Variants in DCC observed in about 807,000 individuals in gnomAD.
DCC encodes the protein netrin receptor DCC.
DCC carries 58 observed loss-of-function variants against 172.5 expected under a neutral mutation model. That is an observed-to-expected ratio of 0.34 (90% CI 0.27 to 0.42). The LOEUF is 0.42. DCC is among the 10% of genes least tolerant of loss of function. DCC has a pLI of 1.00. For synonymous variants in DCC, 709 were observed against 644.5 expected, an observed-to-expected ratio of 1.10 and a Z score of -1.52; for missense variants, 1,740 against 1,791.0, an observed-to-expected ratio of 0.97 and a Z score of 0.51.
chr18:52,843,472 C>T (rs994004614), intron 2 of DCC, among the ~76,000 whole-genome samples: 1 of 152,002 alleles, frequency 6.6e-6, no homozygotes, highest in Non-Finnish European at 1.5e-5. Context: ...CTAGAAATGA[C>T]CATTTTTGCA....
At chr18:52,794,707 T>G (rs28892331) in intron 2 of DCC, among the ~76,000 whole-genome samples, 6,564 of 152,184 alleles carry the variant, frequency 0.043, 220 homozygotes, top group South Asian at 0.16. Context: ...TCCTTGTCTT[T>G]TAGTTGTTAA....
intron 15 of DCC, among the ~76,000 whole-genome samples, chr18:53,375,172 C>A (rs1310558593): frequency 6.6e-6 from 1 of 152,160 alleles, no homozygotes; most frequent in Non-Finnish European, 1.5e-5. Context: ...GCAGGAAGTG[C>A]TCATAAACAG....
intron 3 of DCC, among the ~76,000 whole-genome samples, chr18:52,917,497 C>T (rs1246415765): frequency 6.6e-6 from 1 of 152,150 alleles, no homozygotes; most frequent in East Asian, 1.9e-4. Flanking sequence ...GATTCACTGT[C>T]TGCATCGTTA....
At chr18:53,176,898 T>TA (rs1222149687) in intron 8 of DCC, among the ~76,000 whole-genome samples, 1 of 151,026 alleles carries the variant, frequency 6.6e-6, no homozygotes, top group Non-Finnish European at 1.5e-5. Context: ...ATTGCGGCAT[T>TA]ATTCACAATA....
chr18:53,318,401 A>G (rs1381906851), intron 13 of DCC, among the ~76,000 whole-genome samples: 1 of 152,072 alleles, frequency 6.6e-6, no homozygotes, highest in South Asian at 2.1e-4. Context: ...TTTACCTCCA[A>G]TTATGTGGTC....
chr18:53,482,468 C>T (rs749195382), intron 25 of DCC, among the ~76,000 whole-genome samples: 23 of 152,102 alleles, frequency 1.5e-4, no homozygotes, highest in Non-Finnish European at 2.4e-4. Flanking sequence ...AGTTCAGTCT[C>T]TAGAGTGCTC....
chr18:52,661,876 G>C (rs1022900592), intron 1 of DCC, among the ~76,000 whole-genome samples: 8 of 152,240 alleles, frequency 5.3e-5, no homozygotes, highest in Non-Finnish European at 7.4e-5. Context: ...CAATCATATA[G>C]TAAGAACAGG....
intron 1 of DCC, among the ~76,000 whole-genome samples, chr18:52,601,963 G>T (rs980359463): frequency 5.9e-5 from 9 of 151,884 alleles, no homozygotes; most frequent in African/African-American, 2.2e-4. Flanking sequence ...CATGCACTAA[G>T]CTCTTGCTCT....
chr18:52,599,731 C>T lies in DCC; in HGVS notation c.92-152323C>T, dbSNP rs144890296. Reference sequence around the variant, plus strand: ...GTTTCACCATGTTGGTCAGGCTAGTCTCAAACTCCTGACCTCAGGTGATCC... The same window carrying T: ...GTTTCACCATGTTGGTCAGGCTAGTTTCAAACTCCTGACCTCAGGTGATCC... On this transcript the variant is annotated intron_variant, in intron 1 of 28. Coordinates refer to ENST00000442544, the MANE Select transcript of DCC (RefSeq NM_005215.4). Among the ~76,000 whole-genome samples, 42 of 152,168 alleles carry T rather than the reference C, an allele frequency of 2.8e-4. 1 individual carries two copies. The East Asian group carries it at 7.4e-3, about 27-fold the overall frequency.
intron 12 of DCC, among the ~76,000 whole-genome samples, chr18:53,226,914 CTGTG>C (rs35341474): frequency 2.4e-4 from 25 of 103,696 alleles, no homozygotes; most frequent in African/African-American, 9.0e-4. Flanking sequence ...AATAGTGTAA[CTGTG>C]TGTGTGTGTG....
At chr18:53,518,124 ATAT>A (rs1461848948) in intron 27 of DCC, among the ~76,000 whole-genome samples, 1 of 152,140 alleles carries the variant, frequency 6.6e-6, no homozygotes, top group Non-Finnish European at 1.5e-5. Flanking sequence ...TATAAGAATA[ATAT>A]TCTGGTTCAC....
chr18:53,168,668 A>G (rs1370360654), intron 8 of DCC, among the ~76,000 whole-genome samples: 3 of 152,108 alleles, frequency 2.0e-5, no homozygotes, highest in Non-Finnish European at 4.4e-5. Context: ...ATGTATACCT[A>G]TGTAACAAAC....
At chr18:53,394,746 T>C (rs529477274) in intron 17 of DCC, among the ~76,000 whole-genome samples, 1 of 152,286 alleles carries the variant, frequency 6.6e-6, no homozygotes, top group African/African-American at 2.4e-5. Context: ...ATTTATTTAA[T>C]ACTTTCTCTG....
At chr18:52,638,521 CG>C (rs1443707482) in intron 1 of DCC, among the ~76,000 whole-genome samples, 1 of 151,870 alleles carries the variant, frequency 6.6e-6, no homozygotes, top group Non-Finnish European at 1.5e-5. Flanking sequence ...ACACCAAAAG[CG>C]AGCTATTTTT....
chr18:53,464,791 A>G lies in DCC; in HGVS notation c.3620-3103A>G, dbSNP rs550156164. Among the ~76,000 whole-genome samples, 9 of 151,738 alleles carry G rather than the reference A, an allele frequency of 5.9e-5. No individual in the cohort carries two copies. In the South Asian group the frequency reaches 1.9e-3, roughly 32 times the overall value. On this transcript the variant is annotated intron_variant, in intron 24 of 28. Transcript: ENST00000442544. ...AGGTTGGCAGCTTGAGATGAGCCTGACCAACATGGAGAAACCCCTCTCTAG... is the reference window on the plus strand; with the variant it reads ...AGGTTGGCAGCTTGAGATGAGCCTGGCCAACATGGAGAAACCCCTCTCTAG...
intron 5 of DCC, among the ~76,000 whole-genome samples, chr18:53,036,585 C>G (rs2042095731): frequency 6.6e-6 from 1 of 152,016 alleles, no homozygotes; most frequent in Non-Finnish European, 1.5e-5. Flanking sequence ...TACAGTAAAA[C>G]TGACTTCATG....
At chr18:53,359,030 T>G (rs2057915119) in intron 15 of DCC, among the ~76,000 whole-genome samples, 1 of 152,160 alleles carries the variant, frequency 6.6e-6, no homozygotes, top group African/African-American at 2.4e-5. Flanking sequence ...TAAAGTAAGA[T>G]TCATCCTCAT....
chr18:52,409,384 A>G (rs1986766903), intron 1 of DCC: 1 of 152,162 alleles, frequency 6.6e-6, no homozygotes, highest in East Asian at 1.9e-4. Context: ...ATACATTGGT[A>G]GAGTGTCATA....
chr18:52,581,594 C>T (rs2033551891), intron 1 of DCC, among the ~76,000 whole-genome samples: 1 of 152,104 alleles, frequency 6.6e-6, no homozygotes, highest in South Asian at 2.1e-4. Flanking sequence ...ACCTTCCCAT[C>T]TATACATGTC....
Sources: gnomAD v4.1 joint callset for allele counts (sites outside exome capture counted in the v4.1 genomes callset) on GRCh38, gnomAD v4.1.1 for gene constraint, MANE v1.5 for transcripts, NCBI Gene and HGNC (gene_info 2026-07-23, HGNC 2026-07-21) for gene names.